The following ROBO2 variants were observed in gnomAD, a reference collection of about 807,000 sequenced individuals.
The protein encoded by ROBO2 is roundabout guidance receptor 2, also known as roundabout homolog 2.
In ROBO2, 53 loss-of-function variants were observed where a neutral mutation model predicts 160.8. The ratio of observed to expected loss-of-function variants is 0.33; its 90% CI spans 0.26 to 0.41. The LOEUF (loss-of-function observed/expected upper bound fraction) is 0.41. Ranked by LOEUF, ROBO2 falls within the 10% of genes least tolerant of loss-of-function variation. The pLI is 1.00. For missense variants in ROBO2, 1,577 were observed against 1,722.4 expected (o/e 0.92, Z 1.49); for synonymous variants, 664 against 611.7 (o/e 1.09, Z -1.26).
At chr3:76,894,539 T>G (rs1009285079) in intron 2 of ROBO2, among the ~76,000 whole-genome samples, 2 of 152,140 alleles carry the variant, frequency 1.3e-5, no homozygotes, top group Non-Finnish European at 2.9e-5. Flanking sequence ...AAAAATAAAC[T>G]GCTGACTGTG....
At position 76,155,709 on chromosome 3, in the gene ROBO2, A is replaced by AT. The variant is rs924204328; in HGVS notation, c.109+218114dup. Among the ~76,000 whole-genome samples the AT allele has an allele frequency of 3.9e-5, 6 of 152,174 alleles. No homozygotes were observed. In the South Asian group the frequency reaches 8.3e-4, roughly 21 times the overall value. On this transcript the variant is annotated intron_variant, in intron 2 of 26. Transcript: ENST00000487694. ...TTAACTAATTCATTAAGCCATGTGT[A>AT]TTTTTTTGGGTGTTTTTCTTTGTCT...
At chr3:76,442,354 C>T (rs1371041316) in intron 2 of ROBO2, among the ~76,000 whole-genome samples, 2 of 152,170 alleles carry the variant, frequency 1.3e-5, no homozygotes, top group African/African-American at 2.4e-5. Context: ...TCCAGTAAAT[C>T]TCTCCAGAGA....
At chr3:77,488,236 T>C (rs953122232) in intron 4 of ROBO2, among the ~76,000 whole-genome samples, 3 of 152,162 alleles carry the variant, frequency 2.0e-5, no homozygotes, top group African/African-American at 7.2e-5. Flanking sequence ...ATTAACCTTG[T>C]AAGCAAGTTA....
At chr3:77,534,035 G>A (rs192575588) in intron 6 of ROBO2, among the ~76,000 whole-genome samples, 1 of 152,186 alleles carries the variant, frequency 6.6e-6, no homozygotes, top group African/African-American at 2.4e-5. Context: ...CTCTCACAAT[G>A]ATGTTAGATA....
intron 2 of ROBO2, among the ~76,000 whole-genome samples, chr3:76,233,029 A>G (rs1704715951): frequency 6.6e-6 from 1 of 152,130 alleles, no homozygotes; most frequent in Non-Finnish European, 1.5e-5. Context: ...TGAGTCATGG[A>G]TTACTGGTTT....
intron 2 of ROBO2, among the ~76,000 whole-genome samples, chr3:77,365,081 G>T (rs1007025859): frequency 2.0e-5 from 3 of 151,124 alleles, no homozygotes; most frequent in Non-Finnish European, 4.4e-5. Context: ...GGAGGAGGAG[G>T]TTGCAGTGAG....
intron 2 of ROBO2, among the ~76,000 whole-genome samples, chr3:76,766,548 A>G (rs1228644710): frequency 6.6e-6 from 1 of 151,710 alleles, no homozygotes; most frequent in Non-Finnish European, 1.5e-5. Flanking sequence ...TGAGCAAGAT[A>G]AAGCAGTAAC....
chr3:77,349,852 G>A (rs973523853), intron 2 of ROBO2, among the ~76,000 whole-genome samples: 1 of 151,954 alleles, frequency 6.6e-6, no homozygotes, highest in Non-Finnish European at 1.5e-5. Context: ...ACAGCCTTAT[G>A]ATTAATAATT....
chr3:76,228,205 T>C (rs1704408546), intron 2 of ROBO2, among the ~76,000 whole-genome samples: 1 of 152,186 alleles, frequency 6.6e-6, no homozygotes, highest in South Asian at 2.1e-4. Context: ...ACTATAATAA[T>C]TCAATTTATA....
chr3:77,517,707 A>G (rs1244292745), intron 5 of ROBO2, among the ~76,000 whole-genome samples: 1 of 151,482 alleles, frequency 6.6e-6, no homozygotes, highest in East Asian at 1.9e-4. Context: ...CCAGAAATAA[A>G]CAATTCATCA....
At chr3:76,696,887 A>G (rs2092939007) in intron 2 of ROBO2, among the ~76,000 whole-genome samples, 1 of 152,138 alleles carries the variant, frequency 6.6e-6, no homozygotes, top group Non-Finnish European at 1.5e-5. Flanking sequence ...TGCTCCTCAT[A>G]TTATATTTGG....
At chr3:76,474,730 G>A (rs919441202) in intron 2 of ROBO2, among the ~76,000 whole-genome samples, 2 of 152,076 alleles carry the variant, frequency 1.3e-5, no homozygotes, top group African/African-American at 4.8e-5. Context: ...TCACTCGAGT[G>A]TCTGGAATCC....
chr3:77,335,977 G>A (rs998464184), intron 2 of ROBO2, among the ~76,000 whole-genome samples: 1 of 152,138 alleles, frequency 6.6e-6, no homozygotes, highest in East Asian at 1.9e-4. Flanking sequence ...GTATATGCAA[G>A]GTACTGTAAG....
chr3:77,544,006 TC>T (rs1449543334), intron 6 of ROBO2, among the ~76,000 whole-genome samples: 1 of 152,128 alleles, frequency 6.6e-6, no homozygotes, highest in African/African-American at 2.4e-5. Flanking sequence ...TTATTATTTT[TC>T]TTTATAGGAT....
intron 2 of ROBO2, among the ~76,000 whole-genome samples, chr3:77,004,896 G>A (rs1441867059): frequency 1.3e-5 from 2 of 151,986 alleles, no homozygotes; most frequent in East Asian, 1.9e-4. Context: ...ACCACGCCTC[G>A]CTAGGTGTCC....
intron 2 of ROBO2, among the ~76,000 whole-genome samples, chr3:77,031,344 C>A (rs1422470696): frequency 2.0e-5 from 3 of 150,292 alleles, no homozygotes; most frequent in Non-Finnish European, 4.4e-5. Flanking sequence ...GTTCTTGGGG[C>A]AAAAAAACAC....
chr3:77,591,177 A>C (rs2094172128), intron 17 of ROBO2, among the ~76,000 whole-genome samples: 1 of 152,200 alleles, frequency 6.6e-6, no homozygotes, highest in African/African-American at 2.4e-5. Context: ...CATCCAAGGC[A>C]CTTAAAAGAT....
intron 2 of ROBO2, among the ~76,000 whole-genome samples, chr3:77,441,687 A>G (rs1334038445): frequency 6.6e-6 from 1 of 152,186 alleles, no homozygotes; most frequent in East Asian, 1.9e-4. Flanking sequence ...TAACAGTTAG[A>G]AGATAAATGT....
chr3:77,542,759 G>A lies in ROBO2; in HGVS notation c.935-3579G>A, dbSNP rs151067122. ...CTACTAAAAATAAAAATTCTCAACT[G>A]GATTCTCTGCCCCAACTTGTGAAGA... On this transcript the variant is annotated intron_variant, in intron 6 of 25. Coordinates refer to ENST00000461745, the Ensembl canonical transcript of ROBO2. Among the ~76,000 whole-genome samples the A allele has an allele frequency of 2.6e-5, 4 of 152,216 alleles. No homozygotes were observed. In the East Asian group the frequency reaches 7.7e-4, roughly 29 times the overall value.
Sources: allele counts gnomAD v4.1 joint callset (sites outside exome capture counted in the v4.1 genomes callset), GRCh38; gene constraint gnomAD v4.1.1; transcripts MANE v1.5; gene names NCBI Gene and HGNC (gene_info 2026-07-23, HGNC 2026-07-21).